The following TCEA1 variants were observed in gnomAD, a reference collection of about 807,000 sequenced individuals.
TCEA1 encodes the protein transcription elongation factor A1, also known as transcription elongation factor A protein 1.
A neutral mutation model predicts 43.8 loss-of-function variants in TCEA1; 21 were observed. That is an observed-to-expected ratio of 0.48 (90% confidence interval 0.34 to 0.69). TCEA1 has a LOEUF of 0.69. Ranked by LOEUF, TCEA1 falls within the 30% of genes least tolerant of loss-of-function variation. The pLI is 0.01. For missense variants in TCEA1, 250 were observed against 365.1 expected (o/e 0.68, Z 2.57); for synonymous variants, 104 against 117.5 (o/e 0.88, Z 0.75).
rs189457888 is a variant in TCEA1 at position 53,966,640 on chromosome 8, T to C, written c.*1464A>G. 2.1e-3 allele frequency: 396 copies of C among 185,460 alleles called. 2 individuals carry two copies. Among genetic ancestry groups the C allele is most frequent in the African/African-American group, 8.8e-3 (375 of 42,818 alleles). The allele number at this position is 185,460 out of a possible 1,614,324, so 11.5% of individuals were successfully genotyped here. On this transcript the variant is annotated 3_prime_UTR_variant, in exon 10 of 10. Coordinates refer to ENST00000521604, the MANE Select transcript of TCEA1 (RefSeq NM_006756.4). ...AGTGAGATTATTTTATTCTGAAACA[T>C]TATTTCAAAAATGTACTTTGTTTTT...
chr8:53,988,193 G>A lies in TCEA1; in HGVS notation c.387C>T (p.Ser129=), dbSNP rs574338354. The change falls in exon 5 of 10, where the codon TCC becomes TCT. Residue 129 remains serine (S), a synonymous_variant. Coordinates refer to ENST00000521604, the MANE Select transcript of TCEA1 (RefSeq NM_006756.4). The part of the protein sequence containing the change: ...ETNARDTYVS[S]FPRAPSTSDS... Reference sequence around the variant, plus strand: ...CAGAAGTGCTTGGTGCCCGAGGAAAGGATGAAACATAAGTATCTCGAGCAT... The same window carrying A: ...CAGAAGTGCTTGGTGCCCGAGGAAAAGATGAAACATAAGTATCTCGAGCAT... 1.9e-6 allele frequency: 3 copies of A among 1,613,340 alleles called. No homozygotes were observed. The South Asian group carries it at 3.3e-5, about 18-fold the overall frequency.
chr8:53,986,428 T>C (rs1803689830), intron 6 of TCEA1, among the ~76,000 whole-genome samples: 1 of 152,236 alleles, frequency 6.6e-6, no homozygotes, highest in South Asian at 2.1e-4. Context: ...ACACAGCCTG[T>C]CCTGCCAAGT....
chr8:53,970,338 A>C, intron 9 of TCEA1, 54 bp downstream of exon 9: 1 of 1,226,816 alleles, frequency 8.2e-7, no homozygotes, highest in Non-Finnish European at 1.2e-6. Context: ...AAAGACCAGA[A>C]GAAATCTTTC....
chr8:54,012,962 CAAAAAAAAAA>C (rs72062714), intron 1 of TCEA1, among the ~76,000 whole-genome samples: 2 of 76,966 alleles, frequency 2.6e-5, no homozygotes, highest in African/African-American at 8.5e-5. Context: ...ACGACGACGA[CAAAAAAAAAA>C]AAAAAAAAAA....
chr8:54,010,367 A>AGAT, intron 2 of TCEA1, 63 bp downstream of exon 2: 1 of 1,214,350 alleles, frequency 8.2e-7, no homozygotes, highest in Non-Finnish European at 1.2e-6. Context: ...TTGGTACTGA[A>AGAT]GATGTTTTGG....
chr8:53,991,374 C>T (rs553309615), intron 4 of TCEA1, among the ~76,000 whole-genome samples: 2 of 150,824 alleles, frequency 1.3e-5, no homozygotes, highest in Admixed American at 1.3e-4. Context: ...GCCTGGGCAA[C>T]AGAGCAAGAC....
chr8:54,019,844 A>G (rs1358087720), intron 1 of TCEA1, among the ~76,000 whole-genome samples: 5 of 152,184 alleles, frequency 3.3e-5, no homozygotes, highest in African/African-American at 1.2e-4. Flanking sequence ...TGCTGGGGAA[A>G]ACAAAAGTAC....
chr8:54,010,857 T>C (rs1343408026), intron 1 of TCEA1, among the ~76,000 whole-genome samples: 2 of 152,054 alleles, frequency 1.3e-5, no homozygotes, highest in Non-Finnish European at 2.9e-5. Flanking sequence ...GTTGCCCAGG[T>C]TGGAGTGCAG....
At chr8:53,987,397 T>C (rs1314694634) in intron 5 of TCEA1, among the ~76,000 whole-genome samples, 3 of 152,190 alleles carry the variant, frequency 2.0e-5, no homozygotes, top group Non-Finnish European at 4.4e-5. Context: ...ATCATTTAGT[T>C]AATCTGCCAA....
At chr8:54,009,777 T>C (rs1804591547) in intron 2 of TCEA1, 1 of 152,232 alleles carries the variant, frequency 6.6e-6, no homozygotes, top group South Asian at 2.1e-4. Flanking sequence ...TCACTATAGT[T>C]AATAAAACAT....
chr8:53,980,928 ACTCC>A (rs1319634963), intron 7 of TCEA1, among the ~76,000 whole-genome samples: 2 of 152,186 alleles, frequency 1.3e-5, no homozygotes, highest in Non-Finnish European at 2.9e-5. Flanking sequence ...TAAAAGTGCT[ACTCC>A]AGTGAACACA....
At chr8:54,016,905 C>T (rs1432121000) in intron 1 of TCEA1, among the ~76,000 whole-genome samples, 1 of 136,294 alleles carries the variant, frequency 7.3e-6, no homozygotes, top group African/African-American at 2.7e-5. Flanking sequence ...ACCTGGGAGG[C>T]GGAGGTTGCA....
intron 8 of TCEA1, chr8:53,973,734 G>A: frequency 3.6e-6 from 2 of 561,004 alleles, no homozygotes. Context: ...TGTTAGCAAT[G>A]CATGGTTTCA....
intron 7 of TCEA1, among the ~76,000 whole-genome samples, chr8:53,982,526 T>G (rs1204355957): frequency 6.8e-6 from 1 of 147,768 alleles, no homozygotes; most frequent in Non-Finnish European, 1.5e-5. Context: ...GAGAATCGCT[T>G]GAACCCAGGA....
At chr8:54,017,328 T>C (rs1004259662) in intron 1 of TCEA1, among the ~76,000 whole-genome samples, 8 of 152,244 alleles carry the variant, frequency 5.3e-5, no homozygotes, top group African/African-American at 1.9e-4. Context: ...CTGAGAATTT[T>C]CTTTCACCTC....
intron 1 of TCEA1, among the ~76,000 whole-genome samples, chr8:54,012,253 T>G (rs932800269): frequency 5.3e-5 from 8 of 152,182 alleles, no homozygotes; most frequent in African/African-American, 1.9e-4. Context: ...GTAATGTGAC[T>G]ATTACAACTG....
Position 54,017,687 on chromosome 8 carries a change from G to A in TCEA1, c.63+4376C>T, listed in dbSNP as rs377304588. Reference sequence around the variant, plus strand: ...TGTAATCCCAGCAATTTGGGAGGCCGAGGCAGGTGAATCACTTGAGGTCAG... The same window carrying A: ...TGTAATCCCAGCAATTTGGGAGGCCAAGGCAGGTGAATCACTTGAGGTCAG... On this transcript the variant is annotated intron_variant, in intron 1 of 9. Coordinates refer to ENST00000521604, the MANE Select transcript of TCEA1 (RefSeq NM_006756.4). 1.9e-3 allele frequency among the ~76,000 whole-genome samples: 288 copies of A among 152,314 alleles called. 6 individuals carry two copies. The South Asian group carries it at 0.047, about 25-fold the overall frequency.
chr8:54,009,749 T>G (rs1300393575), intron 2 of TCEA1: 1 of 152,090 alleles, frequency 6.6e-6, no homozygotes, highest in Non-Finnish European at 1.5e-5. Flanking sequence ...AGTTCTAAGG[T>G]TCCACAGCAG....
chr8:53,979,419 C>T (rs1018291188), intron 7 of TCEA1, among the ~76,000 whole-genome samples: 21 of 152,288 alleles, frequency 1.4e-4, no homozygotes, highest in African/African-American at 4.1e-4. Context: ...ACTAAAACCA[C>T]CTTTGCAAAG....
Sources: gnomAD v4.1 joint callset for allele counts (sites outside exome capture counted in the v4.1 genomes callset) on GRCh38, gnomAD v4.1.1 for gene constraint, MANE v1.5 for transcripts, NCBI Gene and HGNC (gene_info 2026-07-23, HGNC 2026-07-21) for gene names.